Variants in ADAMTS12 observed in about 807,000 individuals in gnomAD.
The protein encoded by ADAMTS12 is A disintegrin and metalloproteinase with thrombospondin motifs 12.
A neutral mutation model predicts 167.8 loss-of-function variants in ADAMTS12; 118 were observed. The observed-to-expected ratio is 0.70, with a 90% CI of 0.61 to 0.82. The LOEUF (loss-of-function observed/expected upper bound fraction) is 0.82, where lower values mean the gene tolerates loss of function less well. Among genes scored for constraint, ADAMTS12 ranks in the 40% least tolerant of loss-of-function variants. The pLI is 0.00. For synonymous variants in ADAMTS12, 704 were observed against 716.9 expected (o/e 0.98, Z 0.29); for missense variants, 1,916 against 1,998.8 (o/e 0.96, Z 0.79).
intron 11 of ADAMTS12, among the ~76,000 whole-genome samples, chr5:33,640,744 A>G (rs913798314): frequency 5.3e-5 from 8 of 151,752 alleles, no homozygotes; most frequent in Admixed American, 4.6e-4. Flanking sequence ...TTAACACTTT[A>G]TTATGTAGTA....
intron 3 of ADAMTS12, among the ~76,000 whole-genome samples, chr5:33,725,239 A>G (rs1743941103): frequency 1.3e-5 from 2 of 152,114 alleles, no homozygotes; most frequent in African/African-American, 4.8e-5. Flanking sequence ...AAGCCCCACT[A>G]CCTTCAGCAT....
At chr5:33,743,022 G>A (rs928031895) in intron 3 of ADAMTS12, among the ~76,000 whole-genome samples, 2 of 152,214 alleles carry the variant, frequency 1.3e-5, no homozygotes, top group Non-Finnish European at 2.9e-5. Flanking sequence ...CAGTGGTCAG[G>A]GAAGGCTTCT....
chr5:33,841,235 C>T (rs1561301657), intron 2 of ADAMTS12, among the ~76,000 whole-genome samples: 1 of 152,178 alleles, frequency 6.6e-6, no homozygotes, highest in Admixed American at 6.5e-5. Flanking sequence ...CACCTCCTGC[C>T]CCACAACCTC....
At chr5:33,773,280 G>C (rs1238849470) in intron 2 of ADAMTS12, among the ~76,000 whole-genome samples, 1 of 152,138 alleles carries the variant, frequency 6.6e-6, no homozygotes, top group Non-Finnish European at 1.5e-5. Context: ...TTGATATTTT[G>C]ATTAGAGCTT....
At chr5:33,666,884 C>T (rs1257131965) in intron 5 of ADAMTS12, among the ~76,000 whole-genome samples, 3 of 152,164 alleles carry the variant, frequency 2.0e-5, no homozygotes, top group South Asian at 2.1e-4. Context: ...ATATGTGAGT[C>T]CCAGTGAGGT....
intron 2 of ADAMTS12, among the ~76,000 whole-genome samples, chr5:33,852,621 A>ATAAGAT (rs1726412442): frequency 6.6e-6 from 1 of 152,212 alleles, no homozygotes; most frequent in South Asian, 2.1e-4. Context: ...AGGAATGTCT[A>ATAAGAT]CATGGAAATG....
At chr5:33,560,387 A>G (rs1251076405) in intron 20 of ADAMTS12, among the ~76,000 whole-genome samples, 1 of 152,200 alleles carries the variant, frequency 6.6e-6, no homozygotes, top group Non-Finnish European at 1.5e-5. Context: ...ATCTAGAACT[A>G]GAAATACCGT....
intron 3 of ADAMTS12, among the ~76,000 whole-genome samples, chr5:33,741,825 A>G (rs1455345246): frequency 6.6e-6 from 1 of 152,134 alleles, no homozygotes; most frequent in Non-Finnish European, 1.5e-5. Flanking sequence ...ATGGGGTTTC[A>G]CCATGTTGGC....
intron 2 of ADAMTS12, among the ~76,000 whole-genome samples, chr5:33,844,949 C>T (rs34928410): frequency 0.16 from 24,708 of 152,158 alleles, 2,769 homozygotes; most frequent in Non-Finnish European, 0.24. Context: ...GGGCAGGTTC[C>T]CCGATAATTT....
intron 2 of ADAMTS12, among the ~76,000 whole-genome samples, chr5:33,759,106 G>A (rs901174956): frequency 2.6e-5 from 4 of 152,154 alleles, no homozygotes; most frequent in Admixed American, 6.5e-5. Context: ...AGCCATGGCC[G>A]AGGCTTCTAA....
intron 3 of ADAMTS12, among the ~76,000 whole-genome samples, chr5:33,738,978 A>G (rs1164397059): frequency 2.0e-5 from 3 of 152,192 alleles, no homozygotes; most frequent in African/African-American, 7.2e-5. Context: ...CATTGACTCT[A>G]TTCTTAGCAC....
At chr5:33,868,201 A>G (rs1286484261) in intron 2 of ADAMTS12, among the ~76,000 whole-genome samples, 1 of 152,228 alleles carries the variant, frequency 6.6e-6, no homozygotes, top group Admixed American at 6.5e-5. Context: ...GGACTAATAT[A>G]GAAAATTGGT....
chr5:33,549,131 A>G, intron 21 of ADAMTS12, 76 bp downstream of exon 21: 1 of 1,526,874 alleles, frequency 6.5e-7, no homozygotes, highest in Non-Finnish European at 8.9e-7. Flanking sequence ...CCTGATTTCT[A>G]CACTTATGCA....
intron 14 of ADAMTS12, among the ~76,000 whole-genome samples, chr5:33,621,444 C>A (rs143236987): frequency 8.4e-4 from 127 of 150,826 alleles, no homozygotes; most frequent in Admixed American, 1.5e-3. Context: ...TTTGAGGATG[C>A]GGCAAAAGAT....
chr5:33,674,369 A>G (rs1402157586), intron 5 of ADAMTS12, among the ~76,000 whole-genome samples: 1 of 152,216 alleles, frequency 6.6e-6, no homozygotes, highest in Non-Finnish European at 1.5e-5. Context: ...AAGATTCTAC[A>G]TGGGTGTCTC....
Position 33,891,882 on chromosome 5 carries a change from G to A in ADAMTS12, c.-26C>T, listed in dbSNP as rs1332093598. The A allele has an allele frequency of 3.1e-6, 5 of 1,603,842 alleles. No individual in the cohort carries two copies. Among genetic ancestry groups the A allele is most frequent in the Admixed American group, 1.7e-5 (1 of 57,854 alleles). On this transcript the variant is annotated 5_prime_UTR_variant, in exon 1 of 24. Transcript: ENST00000504830. Reference sequence around the variant, plus strand: ...GATTCAGATGTTGAGGAGAAGAAAAGTCAAAAAAGTTTTAGCCCTCAGCTC... The same window carrying A: ...GATTCAGATGTTGAGGAGAAGAAAAATCAAAAAAGTTTTAGCCCTCAGCTC...
chr5:33,763,661 T>C (rs1009895362), intron 2 of ADAMTS12, among the ~76,000 whole-genome samples: 3 of 152,236 alleles, frequency 2.0e-5, no homozygotes, highest in African/African-American at 7.2e-5. Context: ...GCATTGGCCG[T>C]GACCCACAGT....
chr5:33,573,745 T>C (rs971946854), intron 19 of ADAMTS12, among the ~76,000 whole-genome samples: 8 of 152,220 alleles, frequency 5.3e-5, no homozygotes, highest in East Asian at 1.9e-4. Context: ...AATTGACAAA[T>C]GGGATCTCAT....
At chr5:33,569,331 A>AC (rs1746184170) in intron 19 of ADAMTS12, among the ~76,000 whole-genome samples, 1 of 152,228 alleles carries the variant, frequency 6.6e-6, no homozygotes, top group Non-Finnish European at 1.5e-5. Context: ...GAGCAGCCTA[A>AC]CTGGGAGGCA....
Sources: allele counts gnomAD v4.1 joint callset (sites outside exome capture counted in the v4.1 genomes callset), GRCh38; gene constraint gnomAD v4.1.1; transcripts MANE v1.5; gene names NCBI Gene and HGNC (gene_info 2026-07-23, HGNC 2026-07-21).